SESTD1: variants seen among roughly 807,000 people sequenced by gnomAD.
The protein encoded by SESTD1 is SEC14 domain and spectrin repeat-containing protein 1.
SESTD1 carries 43 observed loss-of-function variants against 101.7 expected under a neutral mutation model. That is an observed-to-expected ratio of 0.42 (90% CI 0.33 to 0.55). The LOEUF (loss-of-function observed/expected upper bound fraction) is 0.55, where lower values mean the gene tolerates loss of function less well. Ranked by LOEUF, SESTD1 falls within the 20% of genes least tolerant of loss-of-function variation. The pLI is 0.07. For missense variants in SESTD1, 647 were observed against 815.1 expected (o/e 0.79, Z 2.51); for synonymous variants, 283 against 286.8 (o/e 0.99, Z 0.13).
chr2:179,173,617 G>A (rs544183603), intron 4 of SESTD1, among the ~76,000 whole-genome samples: 58 of 152,272 alleles, frequency 3.8e-4, no homozygotes, highest in African/African-American at 1.3e-3. Context: ...AAAAGTCATT[G>A]AGCTGAATAG....
At position 179,205,597 on chromosome 2, in the gene SESTD1, T is replaced by C. The variant is rs1217555345; in HGVS notation, c.-25-13731A>G. Among the ~76,000 whole-genome samples, 3 of 135,386 alleles carry C rather than the reference T, an allele frequency of 2.2e-5. 1 individual carries two copies. The highest frequency in any genetic ancestry group is 4.8e-5 in the Non-Finnish European group (3 of 62,890). 88.8% of individuals were successfully genotyped at this position (135,386 alleles called of 152,430 possible). A position where few individuals can be genotyped will look rare whatever the true frequency, so the allele number is the denominator to read the frequency against. ...TGAGAGATGGGTGCTTTATCCAACCTTTCCTTTACACAACCACTTTAGCAT... is the reference window on the plus strand; with the variant it reads ...TGAGAGATGGGTGCTTTATCCAACCCTTCCTTTACACAACCACTTTAGCAT... On this transcript the variant is annotated intron_variant, in intron 1 of 17. Transcript: ENST00000428443.
At chr2:179,260,981 G>A (rs1243518220) in intron 1 of SESTD1, among the ~76,000 whole-genome samples, 5 of 152,172 alleles carry the variant, frequency 3.3e-5, no homozygotes, top group Admixed American at 1.3e-4. Context: ...TAGGAGTGAA[G>A]AAGGGGAAAA....
intron 5 of SESTD1, among the ~76,000 whole-genome samples, chr2:179,164,178 C>T (rs1395528911): frequency 6.6e-6 from 1 of 151,998 alleles, no homozygotes; most frequent in Non-Finnish European, 1.5e-5. Context: ...TTTTCTCACT[C>T]AAGGAAAATA....
intron 5 of SESTD1, among the ~76,000 whole-genome samples, chr2:179,156,998 A>G (rs1014293848): frequency 6.6e-6 from 1 of 152,182 alleles, no homozygotes; most frequent in African/African-American, 2.4e-5. Flanking sequence ...TGATTTTTGT[A>G]CAAGGTGAGA....
chr2:179,177,909 C>A (rs2046038798), intron 3 of SESTD1, among the ~76,000 whole-genome samples: 1 of 152,078 alleles, frequency 6.6e-6, no homozygotes. Context: ...CATGGCTAAA[C>A]CTTGAAAACA....
rs191703520 is a variant in SESTD1, at chr2:179,199,442, C to T, written c.-25-7576G>A. Among the ~76,000 whole-genome samples the T allele has an allele frequency of 4.7e-3, 720 of 152,298 alleles. 6 individuals are homozygous for T. Among genetic ancestry groups the T allele is most frequent in the Middle Eastern group, 0.01 (3 of 294 alleles). On this transcript the variant is annotated intron_variant, in intron 1 of 17. Transcript: ENST00000428443. ...TCAATAGAAAAAGAGGGAATCCTCCCTAACTCATTTTATGAGGCCAGCATC... is the reference window on the plus strand; with the variant it reads ...TCAATAGAAAAAGAGGGAATCCTCCTTAACTCATTTTATGAGGCCAGCATC...
intron 1 of SESTD1, among the ~76,000 whole-genome samples, chr2:179,196,527 A>G (rs1335704323): frequency 6.6e-6 from 1 of 152,264 alleles, no homozygotes; most frequent in Non-Finnish European, 1.5e-5. Context: ...ACAAAAAGAC[A>G]GCAGTAACCT....
At chr2:179,185,726 TTA>T (rs1198529706) in intron 2 of SESTD1, among the ~76,000 whole-genome samples, 2 of 117,020 alleles carry the variant, frequency 1.7e-5, no homozygotes, top group South Asian at 2.4e-4. Flanking sequence ...ATATAGCATA[TTA>T]TATATAATAT....
intron 8 of SESTD1, among the ~76,000 whole-genome samples, chr2:179,144,763 ACTCT>A (rs1010349540): frequency 6.6e-6 from 1 of 151,986 alleles, no homozygotes; most frequent in Non-Finnish European, 1.5e-5. Flanking sequence ...TTTGTTTTAT[ACTCT>A]CTTTCAATAC....
intron 13 of SESTD1, among the ~76,000 whole-genome samples, chr2:179,120,121 C>T (rs370405865): frequency 3.3e-5 from 5 of 151,954 alleles, no homozygotes; most frequent in South Asian, 2.1e-4. Context: ...CCCAGCTACT[C>T]GGAAGGCTGA....
Position 179,160,461 on chromosome 2 carries a change from T to C in SESTD1, c.370-9070A>G, listed in dbSNP as rs141549944. On this transcript the variant is annotated intron_variant, in intron 5 of 17. Coordinates refer to ENST00000428443, the MANE Select transcript of SESTD1 (RefSeq NM_178123.5). The stretch of plus-strand genomic sequence containing the variant: ...TTAAAAGTACAAAATGGCACAAATA[T>C]ATATAATTATATTAGATTATATTAA... Among the ~76,000 whole-genome samples, 87 of 151,724 alleles carry C rather than the reference T, an allele frequency of 5.7e-4. 4 individuals are homozygous for C. In the East Asian group the frequency reaches 0.016, roughly 28 times the overall value.
At chr2:179,185,419 ATAGTATATTC>A (rs1470179779) in intron 2 of SESTD1, among the ~76,000 whole-genome samples, 1 of 145,292 alleles carries the variant, frequency 6.9e-6, no homozygotes, top group African/African-American at 2.5e-5. Flanking sequence ...TGTATATAAT[ATAGTATATTC>A]TATATTGTAT....
chr2:179,200,785 A>G (rs1407462945), intron 1 of SESTD1, among the ~76,000 whole-genome samples: 1 of 135,378 alleles, frequency 7.4e-6, no homozygotes, highest in Non-Finnish European at 1.6e-5. Flanking sequence ...GATGGATTAA[A>G]GACTTAAACA....
intron 1 of SESTD1, among the ~76,000 whole-genome samples, chr2:179,262,139 C>T (rs983740715): frequency 2.0e-5 from 3 of 152,134 alleles, no homozygotes; most frequent in Non-Finnish European, 4.4e-5. Context: ...ATTCTATTCA[C>T]ATGCAATGTC....
chr2:179,244,416 ACCACT>A (rs1300600724), intron 1 of SESTD1, among the ~76,000 whole-genome samples: 2 of 151,826 alleles, frequency 1.3e-5, no homozygotes, highest in Non-Finnish European at 2.9e-5. Flanking sequence ...CCGAGATCAC[ACCACT>A]GCACTACAGC....
intron 3 of SESTD1, 118 bp downstream of exon 3, chr2:179,182,962 T>C: frequency 3.4e-6 from 2 of 591,854 alleles, no homozygotes; most frequent in Non-Finnish European, 5.6e-6. Flanking sequence ...TCTATAATTA[T>C]AATTTCACTG....
chr2:179,241,042 T>C (rs1234134154), intron 1 of SESTD1, among the ~76,000 whole-genome samples: 1 of 150,736 alleles, frequency 6.6e-6, no homozygotes, highest in African/African-American at 2.4e-5. Context: ...GTGAACCAAA[T>C]GGAAACTTTA....
chr2:179,242,273 A>G (rs2047164801), intron 1 of SESTD1, among the ~76,000 whole-genome samples: 1 of 152,196 alleles, frequency 6.6e-6, no homozygotes, highest in Non-Finnish European at 1.5e-5. Flanking sequence ...AGGAGGTAAA[A>G]GATCCCTACA....
chr2:179,237,940 T>C lies in SESTD1; in HGVS notation c.-26+26559A>G, dbSNP rs114055179. ...GGATTATGGGCACCTGCCCTCCACA[T>C]AGTCAAAAATCCACATGTAACTTCA... On this transcript the variant is annotated intron_variant, in intron 1 of 17. Coordinates refer to ENST00000428443, the MANE Select transcript of SESTD1 (RefSeq NM_178123.5). 6.0e-3 allele frequency among the ~76,000 whole-genome samples: 917 copies of C among 152,274 alleles called. 6 individuals carry two copies. Among genetic ancestry groups the C allele is most frequent in the African/African-American group, 0.021 (855 of 41,552 alleles).
Sources: allele counts gnomAD v4.1 joint callset (sites outside exome capture counted in the v4.1 genomes callset), GRCh38; gene constraint gnomAD v4.1.1; transcripts MANE v1.5; gene names NCBI Gene and HGNC (gene_info 2026-07-23, HGNC 2026-07-21).